The following COL24A1 variants were observed in gnomAD, a reference collection of about 807,000 sequenced individuals.
COL24A1 encodes collagen alpha-1(XXIV) chain.
A neutral mutation model predicts 253.9 loss-of-function variants in COL24A1; 224 were observed. The ratio of observed to expected loss-of-function variants is 0.88; its 90% CI spans 0.79 to 0.99. The LOEUF is 0.99. Ranked by LOEUF, COL24A1 falls within the 50% of genes least tolerant of loss-of-function variation. The pLI is 0.00. For missense variants in COL24A1, 2,131 were observed against 2,068.5 expected, an observed-to-expected ratio of 1.03 and a Z score of -0.59; for synonymous variants, 685 against 673.7, an observed-to-expected ratio of 1.02 and a Z score of -0.26.
chr1:86,015,969 T>A (rs1039981872), intron 19 of COL24A1, among the ~76,000 whole-genome samples: 1 of 150,220 alleles, frequency 6.7e-6, no homozygotes, highest in Non-Finnish European at 1.5e-5. Context: ...CAAGTGATCA[T>A]CCTACCTCAG....
At chr1:86,049,365 G>A (rs1020912630) in intron 11 of COL24A1, among the ~76,000 whole-genome samples, 1 of 152,062 alleles carries the variant, frequency 6.6e-6, no homozygotes, top group Non-Finnish European at 1.5e-5. Flanking sequence ...AATGAATCTG[G>A]TTCACTTTCA....
chr1:86,150,143 T>A (rs1050622298), intron 1 of COL24A1, among the ~76,000 whole-genome samples: 1 of 152,186 alleles, frequency 6.6e-6, no homozygotes, highest in African/African-American at 2.4e-5. Flanking sequence ...CCACTTACCA[T>A]TCTTAAGTAC....
At chr1:85,866,655 T>A (rs1458146595) in intron 37 of COL24A1, among the ~76,000 whole-genome samples, 1 of 152,008 alleles carries the variant, frequency 6.6e-6, no homozygotes, top group Non-Finnish European at 1.5e-5. Context: ...GTGCCTGTAG[T>A]CCCAGCTACT....
chr1:85,844,029 AG>A (rs1369702734), intron 39 of COL24A1, among the ~76,000 whole-genome samples: 1 of 152,138 alleles, frequency 6.6e-6, no homozygotes, highest in Non-Finnish European at 1.5e-5. Flanking sequence ...AAAAACAGTA[AG>A]AAAGCTATAA....
At chr1:85,992,919 A>G (rs1359165384) in intron 19 of COL24A1, among the ~76,000 whole-genome samples, 2 of 152,126 alleles carry the variant, frequency 1.3e-5, no homozygotes, top group Admixed American at 1.3e-4. Flanking sequence ...CAGAAAAAAG[A>G]AGTAGTTTTA....
In COL24A1 at chr1:85,945,000, GTGTTTTT is replaced by G. The variant is rs1163897628; in HGVS notation, c.2562+16242_2562+16248del. On this transcript the variant is annotated intron_variant, in intron 24 of 59. Coordinates refer to ENST00000370571, the MANE Select transcript of COL24A1 (RefSeq NM_152890.7). ...CATTTTCTTAATCCAGTCTATCATTGTGTTTTTTTTTTTTTTTTTTTTTTTTTTTTTT... is the reference window on the plus strand; with the variant it reads ...CATTTTCTTAATCCAGTCTATCATTGTTTTTTTTTTTTTTTTTTTTTTTTT... Among the ~76,000 whole-genome samples the G allele has an allele frequency of 3.2e-3, 114 of 36,126 alleles. 2 individuals are homozygous for G. The highest frequency in any genetic ancestry group is 0.016 in the South Asian group (11 of 704). The allele number at this position is 36,126 out of a possible 152,430, so 23.7% of individuals were successfully genotyped here.
At chr1:86,103,111 T>C (rs991515263) in intron 5 of COL24A1, among the ~76,000 whole-genome samples, 3 of 152,232 alleles carry the variant, frequency 2.0e-5, no homozygotes, top group Non-Finnish European at 4.4e-5. Flanking sequence ...TCTTGTTGAA[T>C]TGAACCTTTT....
chr1:85,864,546 A>T lies in COL24A1; in HGVS notation c.3300+3973T>A, dbSNP rs190756234. ...CCCTAGAACTTAAAGTATATATATA[A>T]AAAATAGACATTATAAACATTTGCT... On this transcript the variant is annotated intron_variant, in intron 37 of 59. Transcript: ENST00000370571. 2.2e-3 allele frequency among the ~76,000 whole-genome samples: 338 copies of T among 152,318 alleles called. 1 individual carries two copies. Among genetic ancestry groups the T allele is most frequent in the African/African-American group, 7.5e-3 (310 of 41,574 alleles).
intron 57 of COL24A1, among the ~76,000 whole-genome samples, chr1:85,740,138 T>C (rs1319756075): frequency 6.6e-6 from 1 of 152,136 alleles, no homozygotes; most frequent in African/African-American, 2.4e-5. Context: ...CTACGTAAGT[T>C]TCTCCCTAAC....
chr1:86,118,037 A>T (rs1203321887), intron 3 of COL24A1, among the ~76,000 whole-genome samples: 1 of 150,664 alleles, frequency 6.6e-6, no homozygotes, highest in Non-Finnish European at 1.5e-5. Flanking sequence ...CAGTGATAGT[A>T]GTTAACCAGT....
intron 37 of COL24A1, among the ~76,000 whole-genome samples, chr1:85,859,351 A>G (rs944656501): frequency 2.0e-5 from 3 of 152,198 alleles, no homozygotes; most frequent in African/African-American, 7.2e-5. Context: ...AAGTAAAACC[A>G]AAGTTTATGA....
intron 24 of COL24A1, among the ~76,000 whole-genome samples, chr1:85,927,319 C>A (rs984046678): frequency 1.3e-5 from 2 of 152,104 alleles, no homozygotes; most frequent in East Asian, 1.9e-4. Flanking sequence ...AAAGGGGTGA[C>A]GGACGGCACC....
intron 19 of COL24A1, among the ~76,000 whole-genome samples, chr1:85,990,119 T>C (rs911333807): frequency 6.6e-6 from 1 of 152,132 alleles, no homozygotes; most frequent in Non-Finnish European, 1.5e-5. Flanking sequence ...GACTGGTTTG[T>C]TTTTTCTTTT....
At chr1:86,028,070 G>C (rs1030436407) in intron 14 of COL24A1, among the ~76,000 whole-genome samples, 1 of 152,088 alleles carries the variant, frequency 6.6e-6, no homozygotes, top group Non-Finnish European at 1.5e-5. Flanking sequence ...ATTTGGAATG[G>C]GAGTATTTAC....
rs532110966 is a variant in COL24A1, at chr1:85,736,105, C to T, written c.4783-1141G>A. ...AAATTCGGGTATAACACTAATCTGG[C>T]ATGGTTGTTATGAGGATTAAAAATG... On this transcript the variant is annotated intron_variant, in intron 58 of 59. Transcript: ENST00000370571. The T allele has an allele frequency of 1.2e-4, 39 of 316,908 alleles. 1 individual carries two copies. The highest frequency in any genetic ancestry group is 1.1e-3 in the South Asian group (38 of 35,404). 19.6% of individuals were successfully genotyped at this position (316,908 alleles called of 1,614,324 possible).
At chr1:85,833,076 C>A (rs1335291685) in intron 43 of COL24A1, among the ~76,000 whole-genome samples, 8 of 152,152 alleles carry the variant, frequency 5.3e-5, no homozygotes, top group African/African-American at 1.9e-4. Flanking sequence ...TCATAGATAG[C>A]TCTTATTATT....
At chr1:86,075,979 G>A (rs183995809) in intron 7 of COL24A1, among the ~76,000 whole-genome samples, 1 of 152,078 alleles carries the variant, frequency 6.6e-6, no homozygotes, top group East Asian at 1.9e-4. Context: ...TTTGAAAACC[G>A]GCACAAAACA....
chr1:85,825,435 ACCCAGT>A (rs1674181471), intron 43 of COL24A1, among the ~76,000 whole-genome samples: 1 of 152,146 alleles, frequency 6.6e-6, no homozygotes, highest in Non-Finnish European at 1.5e-5. Flanking sequence ...TTGGTTATAT[ACCCAGT>A]AATGGGATGG....
At position 85,906,045 on chromosome 1, in the gene COL24A1, A is replaced by G. The variant is rs917821508; in HGVS notation, c.2778+1149T>C. ...ATCATCATTTTTTATTTTATTTTAA[A>G]TCTCATTTGGGCTAATATATTAGAG... On this transcript the variant is annotated intron_variant, in intron 28 of 59. Coordinates refer to ENST00000370571, the MANE Select transcript of COL24A1 (RefSeq NM_152890.7). Among the ~76,000 whole-genome samples, 6 of 152,018 alleles carry G rather than the reference A, an allele frequency of 3.9e-5. No homozygotes were observed. The East Asian group carries it at 1.2e-3, about 29-fold the overall frequency.
Sources: gnomAD v4.1 joint callset for allele counts (sites outside exome capture counted in the v4.1 genomes callset) on GRCh38, gnomAD v4.1.1 for gene constraint, MANE v1.5 for transcripts, NCBI Gene and HGNC (gene_info 2026-07-23, HGNC 2026-07-21) for gene names.